The following FBLN2 variants were observed in gnomAD, a reference collection of about 807,000 sequenced individuals.
FBLN2 encodes the protein fibulin 2.
FBLN2 carries 81 observed loss-of-function variants against 123.7 expected under a neutral mutation model. That is an observed-to-expected ratio of 0.65 (90% CI 0.55 to 0.79). FBLN2 has a LOEUF of 0.79. FBLN2 is among the 30% of genes least tolerant of loss of function. FBLN2 has a pLI of 0.00. For missense variants in FBLN2, 1,603 were observed against 1,681.3 expected, an observed-to-expected ratio of 0.95 and a Z score of 0.81; for synonymous variants, 699 against 701.4, an observed-to-expected ratio of 1.00 and a Z score of 0.05.
intron 16 of FBLN2, 132 bp from the exon 17 acceptor site, chr3:13,636,313 G>A: frequency 1.8e-6 from 2 of 1,097,430 alleles, no homozygotes; most frequent in Non-Finnish European, 2.6e-6. Context: ...GGGCATGTGT[G>A]TGCAGGGAGG....
chr3:13,636,636 C>A (rs1706482929), intron 17 of FBLN2, 68 bp downstream of exon 17: 1 of 1,546,568 alleles, frequency 6.5e-7, no homozygotes, highest in Non-Finnish European at 8.8e-7. Context: ...CAGGGAGAGG[C>A]TGAGAGATGG....
chr3:13,570,144 T>C (rs1174558385), intron 1 of FBLN2, among the ~76,000 whole-genome samples, 171 bp from the exon 2 acceptor site: 1 of 152,148 alleles, frequency 6.6e-6, no homozygotes, highest in East Asian at 1.9e-4. Context: ...ATCTGACCCA[T>C]GTGTGGCGGA....
intron 2 of FBLN2, among the ~76,000 whole-genome samples, chr3:13,595,833 A>G (rs1704824287): frequency 6.6e-6 from 1 of 152,238 alleles, no homozygotes; most frequent in Non-Finnish European, 1.5e-5. Flanking sequence ...AAAATGGGTA[A>G]TACCTGCATA....
At chr3:13,617,143 A>ATCCATCCATCCATCC (rs1553621511) in intron 5 of FBLN2, among the ~76,000 whole-genome samples, 2,204 of 134,628 alleles carry the variant, frequency 0.016, 51 homozygotes, top group East Asian at 0.1. Context: ...TCCATTCATC[A>ATCCATCCATCCATCC]ATCCATCCAT....
chr3:13,559,494 A>G (rs1321123401), intron 1 of FBLN2, among the ~76,000 whole-genome samples: 3 of 152,170 alleles, frequency 2.0e-5, no homozygotes, highest in Admixed American at 6.5e-5. Flanking sequence ...CCAGTGTTTT[A>G]CCTGAGGTGG....
At position 13,637,980 on chromosome 3, in the gene FBLN2, G is replaced by T; in HGVS notation, c.*61G>T. ...CCCAGGGCTCACACTGCGTGGGAGG[G>T]ACTGGGTCACTATTGTGGTTTTTAC... On this transcript the variant is annotated 3_prime_UTR_variant, in exon 18 of 18. Transcript: ENST00000404922. The T allele has an allele frequency of 7.1e-7, 1 of 1,405,446 alleles. No homozygotes were observed. Among genetic ancestry groups the T allele is most frequent in the South Asian group, 1.3e-5 (1 of 74,140 alleles). 87.1% of individuals were successfully genotyped at this position (1,405,446 alleles called of 1,614,324 possible). A position where few individuals can be genotyped will look rare whatever the true frequency, so the allele number is the denominator to read the frequency against.
rs1706552204 is a variant in FBLN2, at chr3:13,638,285, ATTCTT to A, written c.*374_*378del. On this transcript the variant is annotated 3_prime_UTR_variant, in exon 18 of 18. Coordinates refer to ENST00000404922, the MANE Select transcript of FBLN2 (RefSeq NM_001004019.2). ...TCCATTTCATGTTCCACTGTGATTA[ATTCTT>A]TTCTTTTTTAAAAAATCATTTTAAA... is the stretch of plus-strand genomic sequence containing the variant. 4.3e-6 allele frequency: 2 copies of A among 469,628 alleles called. No individual in the cohort carries two copies. The highest frequency in any genetic ancestry group is 3.6e-5 in the South Asian group (2 of 55,130). The allele number at this position is 469,628 out of a possible 1,614,324, so 29.1% of individuals were successfully genotyped here. A position where few individuals can be genotyped will look rare whatever the true frequency, so the allele number is the denominator to read the frequency against.
Position 13,629,953 on chromosome 3 carries a change from G to A in FBLN2, c.2968+8G>A, listed in dbSNP as rs763767425. 4 of 1,610,216 alleles carry A rather than the reference G, an allele frequency of 2.5e-6. No homozygotes were observed. In the South Asian group the frequency reaches 4.4e-5, roughly 18 times the overall value. On this transcript the variant is annotated splice_region_variant and intron_variant, in intron 14 of 17. Transcript: ENST00000404922. ...ACGGCAAGCGCTGTGAAGGTAGGCT[G>A]GCCCTCATCTCTGACCCTATGCCGC...
rs553147690 is a variant in FBLN2, at chr3:13,638,137, G to A, written c.*218G>A. The A allele has an allele frequency of 6.1e-6, 4 of 652,838 alleles. No homozygotes were observed. The highest frequency in any genetic ancestry group is 5.5e-5 in the African/African-American group (3 of 54,338). The allele number at this position is 652,838 out of a possible 1,614,324, so 40.4% of individuals were successfully genotyped here. ...GCAGGCACCAAGTGGAAGCTTGCAC[G>A]GTGGGCCACGGCCGTGGCGGGTGCC... On this transcript the variant is annotated 3_prime_UTR_variant, in exon 18 of 18. Transcript: ENST00000404922.
chr3:13,597,984 T>C (rs1294769680), intron 2 of FBLN2, among the ~76,000 whole-genome samples: 2 of 152,194 alleles, frequency 1.3e-5, no homozygotes, highest in African/African-American at 2.4e-5. Flanking sequence ...ACAGTGCTGC[T>C]GAGAACCGGC....
intron 2 of FBLN2, among the ~76,000 whole-genome samples, chr3:13,596,745 A>G (rs1029721331): frequency 6.6e-6 from 1 of 151,840 alleles, no homozygotes; most frequent in Non-Finnish European, 1.5e-5. Flanking sequence ...GGCACCCACC[A>G]TTCCATTTTC....
chr3:13,621,192 C>G (rs951197306), intron 8 of FBLN2, among the ~76,000 whole-genome samples: 1 of 152,260 alleles, frequency 6.6e-6, no homozygotes, highest in Admixed American at 6.5e-5. Context: ...CAGAGAGGCA[C>G]CTGCTCTGCG....
intron 2 of FBLN2, among the ~76,000 whole-genome samples, chr3:13,573,848 C>CAAGATTGT (rs905843920): frequency 7.4e-6 from 1 of 134,490 alleles, no homozygotes; most frequent in Non-Finnish European, 1.5e-5. Context: ...TGCAGTGAGC[C>CAAGATTGT]AAGATTGTGC....
At chr3:13,549,636 C>A (rs918687445) in intron 1 of FBLN2, among the ~76,000 whole-genome samples, 1 of 151,060 alleles carries the variant, frequency 6.6e-6, no homozygotes, top group Non-Finnish European at 1.5e-5. Flanking sequence ...TCAACCCCCT[C>A]GGGGAAAGAA....
intron 2 of FBLN2, among the ~76,000 whole-genome samples, chr3:13,589,100 T>C (rs1479489262): frequency 6.6e-6 from 1 of 152,232 alleles, no homozygotes; most frequent in African/African-American, 2.4e-5. Flanking sequence ...GTTCCACACA[T>C]TCTTTTTAAA....
At chr3:13,605,206 G>A (rs986775421) in intron 2 of FBLN2, among the ~76,000 whole-genome samples, 5 of 152,166 alleles carry the variant, frequency 3.3e-5, no homozygotes, top group African/African-American at 1.2e-4. Context: ...AGGGGCAAAC[G>A]CTTGGGTTAA....
intron 2 of FBLN2, among the ~76,000 whole-genome samples, chr3:13,589,491 TCCA>T (rs1395307649): frequency 6.6e-6 from 1 of 152,246 alleles, no homozygotes; most frequent in South Asian, 2.1e-4. Flanking sequence ...GGAACCCCAG[TCCA>T]CACTAAGCAG....
At chr3:13,613,780 A>T (rs1705481382) in intron 4 of FBLN2, 2 of 504,038 alleles carry the variant, frequency 4.0e-6, no homozygotes, top group African/African-American at 1.9e-5. Context: ...TTTACTTGTT[A>T]TCTGTTTCAA....
At chr3:13,636,596 C>T in intron 17 of FBLN2, 28 bp downstream of exon 17, 2 of 1,609,224 alleles carry the variant, frequency 1.2e-6, no homozygotes, top group African/African-American at 2.7e-5. Flanking sequence ...AGTCCCAGTC[C>T]CAGGGAGCCT....
Sources: allele counts gnomAD v4.1 joint callset (sites outside exome capture counted in the v4.1 genomes callset), GRCh38; gene constraint gnomAD v4.1.1; transcripts MANE v1.5; gene names NCBI Gene and HGNC (gene_info 2026-07-23, HGNC 2026-07-21).